The following ROBO1 variants were observed in gnomAD, a reference collection of about 807,000 sequenced individuals.
ROBO1 encodes roundabout homolog 1.
In ROBO1, 149 loss-of-function variants were observed where a neutral mutation model predicts 195.9. The ratio of observed to expected loss-of-function variants is 0.76; its 90% CI spans 0.67 to 0.87. ROBO1 has a LOEUF of 0.87. Ranked by LOEUF, ROBO1 falls within the 40% of genes least tolerant of loss-of-function variation. ROBO1 has a pLI of 0.00. For missense variants in ROBO1, 1,933 were observed against 2,068.3 expected (o/e 0.93, Z 1.27); for synonymous variants, 816 against 733.2 (o/e 1.11, Z -1.82).
chr3:78,975,072 G>A (rs2076855629), intron 3 of ROBO1, among the ~76,000 whole-genome samples: 1 of 152,042 alleles, frequency 6.6e-6, no homozygotes, highest in Non-Finnish European at 1.5e-5. Context: ...CCCTTCTAAT[G>A]TAAATTAGAA....
intron 8 of ROBO1, among the ~76,000 whole-genome samples, chr3:78,710,869 C>T (rs1350600095): frequency 6.6e-6 from 1 of 152,130 alleles, no homozygotes; most frequent in African/African-American, 2.4e-5. Flanking sequence ...TGAAGTTGCT[C>T]GTTTAAAAAT....
intron 14 of ROBO1, among the ~76,000 whole-genome samples, chr3:78,667,243 T>C (rs1254705580): frequency 6.6e-6 from 1 of 152,116 alleles, no homozygotes; most frequent in East Asian, 1.9e-4. Context: ...ATTCAGGAAA[T>C]TGAATAGAAT....
intron 2 of ROBO1, among the ~76,000 whole-genome samples, chr3:79,294,240 C>A (rs1039348377): frequency 7.9e-5 from 12 of 151,848 alleles, no homozygotes; most frequent in African/African-American, 2.9e-4. Context: ...GGTATTGGTA[C>A]CAAAACAGAT....
intron 2 of ROBO1, among the ~76,000 whole-genome samples, chr3:79,211,164 G>GT (rs1186270838): frequency 6.6e-6 from 1 of 151,850 alleles, no homozygotes; most frequent in Non-Finnish European, 1.5e-5. Flanking sequence ...CTTTATACAA[G>GT]TTTTTTTATT....
In ROBO1 at chr3:79,084,870, TC is replaced by T. The variant is rs2079339737; in HGVS notation, c.172+40585del. On this transcript the variant is annotated intron_variant, in intron 3 of 30. Transcript: ENST00000464233. ...TCAGAAAGGTGTAAAAAATCTGAAA[TC>T]TTGCTGAGATGAGATAGAAAATTTA... Among the ~76,000 whole-genome samples the T allele has an allele frequency of 2.6e-5, 4 of 152,196 alleles. No homozygotes were observed. The South Asian group carries it at 6.2e-4, about 24-fold the overall frequency.
intron 2 of ROBO1, among the ~76,000 whole-genome samples, chr3:79,502,689 C>T (rs1040495075): frequency 1.3e-5 from 1 of 78,188 alleles, no homozygotes; most frequent in South Asian, 3.7e-4. Context: ...GCTCCTGAGT[C>T]TAGTGGGGAC....
chr3:79,505,125 G>A (rs1367352178), intron 2 of ROBO1, among the ~76,000 whole-genome samples: 1 of 152,018 alleles, frequency 6.6e-6, no homozygotes, highest in Non-Finnish European at 1.5e-5. Context: ...AGGTGAAACT[G>A]GTGTGAATTT....
At chr3:78,800,069 C>G (rs1177516758) in intron 4 of ROBO1, among the ~76,000 whole-genome samples, 1 of 152,140 alleles carries the variant, frequency 6.6e-6, no homozygotes, top group Non-Finnish European at 1.5e-5. Context: ...GTTTTGCTCA[C>G]AGTAAAAATG....
At chr3:79,102,357 T>G (rs1415201764) in intron 3 of ROBO1, among the ~76,000 whole-genome samples, 1 of 151,732 alleles carries the variant, frequency 6.6e-6, no homozygotes, top group Non-Finnish European at 1.5e-5. Flanking sequence ...GATTATGTAA[T>G]GTAACAAGAG....
At chr3:78,701,788 C>G (rs1432104917) in intron 8 of ROBO1, among the ~76,000 whole-genome samples, 1 of 152,132 alleles carries the variant, frequency 6.6e-6, no homozygotes, top group East Asian at 1.9e-4. Context: ...ATCGACCACA[C>G]AAAATAAATG....
chr3:78,996,561 G>A (rs2077371085), intron 3 of ROBO1, among the ~76,000 whole-genome samples: 1 of 152,024 alleles, frequency 6.6e-6, no homozygotes, highest in Non-Finnish European at 1.5e-5. Flanking sequence ...TGGAAGATTT[G>A]ACCAGTTCAC....
chr3:79,570,657 T>C (rs1576043296), intron 2 of ROBO1, among the ~76,000 whole-genome samples: 1 of 152,160 alleles, frequency 6.6e-6, no homozygotes, highest in African/African-American at 2.4e-5. Context: ...TGTTTTAGAT[T>C]AAGGAAATGT....
At chr3:79,397,948 G>GA (rs2037215607) in intron 2 of ROBO1, among the ~76,000 whole-genome samples, 1 of 152,012 alleles carries the variant, frequency 6.6e-6, no homozygotes, top group South Asian at 2.1e-4. Context: ...GAGCACTTAA[G>GA]AAAAAATTTA....
intron 2 of ROBO1, among the ~76,000 whole-genome samples, chr3:79,448,975 A>G (rs1403815980): frequency 6.6e-6 from 1 of 152,188 alleles, no homozygotes; most frequent in Non-Finnish European, 1.5e-5. Context: ...CATGCCTGCA[A>G]TCCCAGCACT....
chr3:79,626,072 A>C (rs1210541000), intron 1 of ROBO1, among the ~76,000 whole-genome samples: 1 of 152,212 alleles, frequency 6.6e-6, no homozygotes, highest in African/African-American at 2.4e-5. Flanking sequence ...CCATCACATA[A>C]ACAGAACCAA....
In ROBO1 at chr3:79,166,793, T is replaced by C. The variant is rs569656740; in HGVS notation, c.89-41254A>G. On this transcript the variant is annotated intron_variant, in intron 2 of 30. Transcript: ENST00000464233. ...CAAGTTAGCCAGGATGGTCTCGATC[T>C]CCTGACCTCGTTGATCCGCTATTTT... Among the ~76,000 whole-genome samples, 67 of 152,244 alleles carry C rather than the reference T, an allele frequency of 4.4e-4. 1 individual carries two copies. The highest frequency in any genetic ancestry group is 1.6e-3 in the African/African-American group (65 of 41,542).
intron 4 of ROBO1, among the ~76,000 whole-genome samples, chr3:78,875,092 A>T (rs1022769907): frequency 3.3e-5 from 5 of 152,044 alleles, no homozygotes; most frequent in African/African-American, 9.7e-5. Flanking sequence ...AGTCATGGGA[A>T]AATTAGAGAA....
chr3:78,655,876 A>G (rs1032188785), intron 18 of ROBO1, among the ~76,000 whole-genome samples: 2 of 152,236 alleles, frequency 1.3e-5, no homozygotes, highest in Non-Finnish European at 2.9e-5. Context: ...AATACTACTA[A>G]TGCTTAACTT....
At chr3:79,220,219 T>C (rs2082113796) in intron 2 of ROBO1, among the ~76,000 whole-genome samples, 1 of 152,076 alleles carries the variant, frequency 6.6e-6, no homozygotes, top group Non-Finnish European at 1.5e-5. Flanking sequence ...GAAGAATTTA[T>C]TTTATGAACA....
Sources: gnomAD v4.1 joint callset for allele counts (sites outside exome capture counted in the v4.1 genomes callset) on GRCh38, gnomAD v4.1.1 for gene constraint, MANE v1.5 for transcripts, NCBI Gene and HGNC (gene_info 2026-07-23, HGNC 2026-07-21) for gene names.